MIB2: variants seen among roughly 807,000 people sequenced by gnomAD.
MIB2 encodes E3 ubiquitin-protein ligase MIB2.
In MIB2, 78 loss-of-function variants were observed where a neutral mutation model predicts 96.6. That is an observed-to-expected ratio of 0.81 (90% CI 0.67 to 0.97). The LOEUF (loss-of-function observed/expected upper bound fraction) is 0.97. Ranked by LOEUF, MIB2 falls within the 50% of genes least tolerant of loss-of-function variation. The pLI is 0.00. For synonymous variants in MIB2, 820 were observed against 629.5 expected, an observed-to-expected ratio of 1.30 and a Z score of -4.53; for missense variants, 1,543 against 1,424.0, an observed-to-expected ratio of 1.08 and a Z score of -1.35.
At chr1:1,624,700 G>A in intron 4 of MIB2, 95 bp from the exon 5 acceptor site, 1 of 1,187,062 alleles carries the variant, frequency 8.4e-7, no homozygotes, top group Non-Finnish European at 1.2e-6. Flanking sequence ...GGGTGGACAG[G>A]GGGCCTGCTC....
chr1:1,621,504 G>T (rs963265181), intron 2 of MIB2, among the ~76,000 whole-genome samples: 2 of 144,598 alleles, frequency 1.4e-5, no homozygotes, highest in African/African-American at 5.6e-5. Flanking sequence ...TGCACATCTC[G>T]GCAGCGTCAC....
Position 1,623,786 on chromosome 1 carries a change from C to T in MIB2, c.260C>T (p.Pro87Leu), listed in dbSNP as rs567445409. 12 of 1,603,706 alleles carry T rather than the reference C, an allele frequency of 7.5e-6. No individual in the cohort carries two copies. In the East Asian group the frequency reaches 2.0e-4, roughly 27 times the overall value. The change falls in exon 4 of 20, where the codon CCC (proline) becomes CTC (leucine). Residue 87 changes from proline (P) to leucine (L), a missense_variant. Transcript: ENST00000355826. Reference sequence around the variant, plus strand: ...ACCCCACCCCCAGGCGTCCGGCACCCCAACATCATCTGTGACTGCTGCAAG... The same window carrying T: ...ACCCCACCCCCAGGCGTCCGGCACCTCAACATCATCTGTGACTGCTGCAAG... Reference protein sequence around the residue: ...YDNAQIGVRHPNIICDCCKKH... With the variant: ...YDNAQIGVRHLNIICDCCKKH...
In MIB2 at chr1:1,629,628, C is replaced by T. The variant is rs774356496; in HGVS notation, c.2564-11C>T. The T allele has an allele frequency of 3.8e-6, 6 of 1,584,720 alleles. No individual in the cohort carries two copies. The highest frequency in any genetic ancestry group is 2.3e-5 in the East Asian group (1 of 42,870). Reference sequence around the variant, plus strand: ...GTAGGGCCGCAGCCAACCGCGCTCTCCTCTTCGCAGAGTGCGCGCGCAGGA... The same window carrying T: ...GTAGGGCCGCAGCCAACCGCGCTCTTCTCTTCGCAGAGTGCGCGCGCAGGA... On this transcript the variant is annotated splice_polypyrimidine_tract_variant and intron_variant, in intron 18 of 19. Coordinates refer to ENST00000355826, the MANE Select transcript of MIB2 (RefSeq NM_001170687.4).
rs1645127005 is a variant in MIB2, at chr1:1,629,251, T to G, written c.2321T>G (p.Leu774Arg). 1.3e-6 allele frequency: 2 copies of G among 1,546,490 alleles called. No individual in the cohort carries two copies. The highest frequency in any genetic ancestry group is 1.7e-6 in the Non-Finnish European group (2 of 1,157,426). ...SYTNHRGRSP[L>R]DLAAEGRVLK... ...ACCAACCACCGCGGTCGGAGCCCGCTGGACCTGGCCGCCGAGGGTCGCGTG... is the reference window on the plus strand; with the variant it reads ...ACCAACCACCGCGGTCGGAGCCCGCGGGACCTGGCCGCCGAGGGTCGCGTG... The change falls in exon 17 of 20, where the codon CTG becomes CGG. Residue 774 changes from leucine (L) to arginine (R), a missense_variant. By Grantham distance (102) the Leu-to-Arg change is moderately radical. Coordinates refer to ENST00000355826, the MANE Select transcript of MIB2 (RefSeq NM_001170687.4).
upstream of MIB2, chr1:1,614,318 C>A (rs1570441133): frequency 6.6e-6 from 1 of 152,380 alleles, no homozygotes; most frequent in South Asian, 2.1e-4. Context: ...TTGCCTGTAA[C>A]CGGACTTACT....
Position 1,629,210 on chromosome 1 carries a change from C to T in MIB2, c.2280C>T (p.Gly760=), listed in dbSNP as rs562424000. ...AAVACFLALE[G]ADVSYTNHRG... ...TCGCCTGCTTCCTGGCGCTGGAGGG[C>T]GCCGACGTGAGCTACACCAACCACC... The change falls in exon 17 of 20, where the codon GGC becomes GGT. Residue 760 remains glycine, a synonymous_variant. Transcript: ENST00000355826. The T allele has an allele frequency of 2.0e-6, 3 of 1,529,104 alleles. No individual in the cohort carries two copies. In the Admixed American group the frequency reaches 5.9e-5, roughly 30 times the overall value. 94.7% of individuals were successfully genotyped at this position (1,529,104 alleles called of 1,614,324 possible).
At chr1:1,628,889 T>G in intron 16 of MIB2, 167 bp downstream of exon 16, 1 of 741,472 alleles carries the variant, frequency 1.3e-6, no homozygotes, top group African/African-American at 1.8e-5. Context: ...TCCTTCAGCC[T>G]GCACCCCTAG....
intron 13 of MIB2, 49 bp downstream of exon 13, chr1:1,627,878 C>T (rs1470775807): frequency 1.3e-6 from 2 of 1,595,028 alleles, no homozygotes; most frequent in South Asian, 2.2e-5. Flanking sequence ...GAGTGCTTGT[C>T]CCTGGCCTGG....
chr1:1,621,668 A>G (rs1416172177), intron 2 of MIB2, among the ~76,000 whole-genome samples: 1 of 152,222 alleles, frequency 6.6e-6, no homozygotes, highest in Non-Finnish European at 1.5e-5. Flanking sequence ...ACATCCACCC[A>G]TTCCTGTGGA....
In MIB2 at chr1:1,630,510, C is replaced by A; in HGVS notation, c.2848C>A (p.Arg950Ser). 6.3e-7 allele frequency: 1 copy of A among 1,590,342 alleles called. No individual in the cohort carries two copies. Among genetic ancestry groups the A allele is most frequent in the South Asian group, 1.1e-5 (1 of 89,768 alleles). ...CATCTGCCGCCAGCCCATCCGCGAC[C>A]GCATCCAGATCTTCGTGTGAGCCGC... Reference protein sequence around the residue: ...CPICRQPIRDRIQIFV With the variant: ...CPICRQPIRDSIQIFV Residue 950 changes from arginine to serine, a missense_variant, in exon 20 of 20, where the codon CGC becomes AGC. Transcript: ENST00000355826.
At chr1:1,621,156 A>G (rs928125463) in intron 2 of MIB2, among the ~76,000 whole-genome samples, 2 of 152,256 alleles carry the variant, frequency 1.3e-5, no homozygotes, top group African/African-American at 4.8e-5. Context: ...AGGACGCAGC[A>G]GTGCACCACC....
chr1:1,629,292 G>T lies in MIB2; in HGVS notation c.2362G>T (p.Gly788Cys), dbSNP rs1008497901. Reference sequence around the variant, plus strand: ...GGGTCGCGTGCTCAAGGCCCTTCAGGGCTGCGCCCAGCGCTTCCGGTGAGT... The same window carrying T: ...GGGTCGCGTGCTCAAGGCCCTTCAGTGCTGCGCCCAGCGCTTCCGGTGAGT... ...AEGRVLKALQ[G>C]CAQRFRERQA... The change falls in exon 17 of 20, where the codon GGC becomes TGC. Residue 788 changes from glycine (G) to cysteine (C), a missense_variant. Coordinates refer to ENST00000355826, the MANE Select transcript of MIB2 (RefSeq NM_001170687.4). 9 of 1,516,892 alleles carry T rather than the reference G, an allele frequency of 5.9e-6. No homozygotes were observed. The African/African-American group carries it at 7.3e-5, about 12-fold the overall frequency. 94.0% of individuals were successfully genotyped at this position (1,516,892 alleles called of 1,614,324 possible).
intron 16 of MIB2, chr1:1,628,930 A>G: frequency 1.4e-6 from 1 of 709,096 alleles, no homozygotes; most frequent in Non-Finnish European, 2.2e-6. Context: ...TGCCCATGGG[A>G]TGGGGAGAGG....
At chr1:1,623,291 A>G in intron 2 of MIB2, 140 bp from the exon 3 acceptor site, 1 of 1,394,920 alleles carries the variant, frequency 7.2e-7, no homozygotes, top group Non-Finnish European at 9.5e-7. Flanking sequence ...TAGGGCTTGA[A>G]CCAGCCTGCC....
chr1:1,626,771 C>T lies in MIB2; in HGVS notation c.1077+17C>T. 4 of 1,559,660 alleles carry T rather than the reference C, an allele frequency of 2.6e-6. No individual in the cohort carries two copies. The highest frequency in any genetic ancestry group is 3.5e-6 in the Non-Finnish European group (4 of 1,155,324). ...ATGGCCCCTGTGAGTCCCCCTGCCA[C>T]CCCCGCCGCTAGCGCCGCTGCCCCC... is the stretch of plus-strand genomic sequence containing the variant. On this transcript the variant is annotated intron_variant, in intron 9 of 19. Transcript: ENST00000355826. This position sits in a 1 kb window ranked among gnomAD's most constrained non-coding sequence, Gnocchi z 5.3.
chr1:1,621,928 C>T (rs996054615), intron 2 of MIB2, among the ~76,000 whole-genome samples: 1 of 152,252 alleles, frequency 6.6e-6, no homozygotes, highest in Non-Finnish European at 1.5e-5. Context: ...GCCCCTGAGT[C>T]AGAGCAGGAG....
rs1638673273 is a variant in MIB2 at position 1,630,350 on chromosome 1, G to A, written c.2688G>A (p.Glu896=). 2 of 1,537,926 alleles carry A rather than the reference G, an allele frequency of 1.3e-6. No individual in the cohort carries two copies. Among genetic ancestry groups the A allele is most frequent in the Admixed American group, 2.0e-5 (1 of 50,498 alleles). The change falls in exon 20 of 20, where the codon GAG becomes GAA. Residue 896 remains glutamate, a synonymous_variant. Coordinates refer to ENST00000355826, the MANE Select transcript of MIB2 (RefSeq NM_001170687.4). ...CCGGCCCGCCGCGCCAGCTGGTGGA[G>A]GAGCTGCAGAGCCGCTACCGGCAGA... ...PAPGPPRQLV[E]ELQSRYRQME... is the part of the protein sequence containing the mutation.
chr1:1,619,632 G>A (rs761481354), intron 2 of MIB2, among the ~76,000 whole-genome samples: 2 of 152,174 alleles, frequency 1.3e-5, no homozygotes, highest in Non-Finnish European at 2.9e-5. Context: ...TTGAGGAGGC[G>A]CCGGGTCTAC....
In MIB2 at chr1:1,626,957, G is replaced by A. The variant is rs775024898; in HGVS notation, c.1198G>A (p.Asp400Asn). 3.8e-5 allele frequency: 61 copies of A among 1,611,498 alleles called. No homozygotes were observed. Among genetic ancestry groups the A allele is most frequent in the South Asian group, 5.5e-5 (5 of 90,964 alleles). Residue 400 changes from aspartate (D) to asparagine (N), a missense_variant, in exon 10 of 20, where the codon GAT (aspartate) becomes AAT (asparagine). Physicochemically the swap from Asp to Asn is conservative, Grantham distance 23. Transcript: ENST00000355826. The surrounding 1 kb of genome is among the most constrained non-coding windows in gnomAD (Gnocchi z 5.3). ...SCLVAYRPEE[D>N]ANLDVAERAR... ...CCTGGTGGCCTACCGGCCCGAGGAG[G>A]ATGCCAACCTGGACGTGGCCGAGCG...
Sources: gnomAD v4.1 joint callset for allele counts (sites outside exome capture counted in the v4.1 genomes callset) on GRCh38, gnomAD v4.1.1 for gene constraint, Gnocchi (gnomAD v3.1) non-coding constraint, MANE v1.5 for transcripts, NCBI Gene and HGNC (gene_info 2026-07-23, HGNC 2026-07-21) for gene names.